The following RPS6KA2 variants were observed in gnomAD, a reference collection of about 807,000 sequenced individuals.
The protein encoded by RPS6KA2 is ribosomal protein S6 kinase A2, also known as ribosomal protein S6 kinase alpha-2.
In RPS6KA2, 42 loss-of-function variants were observed where a neutral mutation model predicts 91.8. That is an observed-to-expected ratio of 0.46 (90% CI 0.36 to 0.59). RPS6KA2 has a LOEUF of 0.59. Ranked by LOEUF, RPS6KA2 falls within the 20% of genes least tolerant of loss-of-function variation. The pLI, the probability that RPS6KA2 is intolerant of heterozygous loss-of-function variation, is 0.00. For synonymous variants in RPS6KA2, 414 were observed against 393.6 expected (o/e 1.05, Z -0.61); for missense variants, 798 against 978.5 (o/e 0.82, Z 2.46).
Position 166,508,845 on chromosome 6 carries a change from C to A in RPS6KA2, c.380-563G>T, listed in dbSNP as rs924298435. Reference sequence around the variant, plus strand: ...TAGGTCTGGTCACTGTGAGCTATAACTGCAGACTTTCTGTTTCAGGCCACA... The same window carrying A: ...TAGGTCTGGTCACTGTGAGCTATAAATGCAGACTTTCTGTTTCAGGCCACA... On this transcript the variant is annotated intron_variant, in intron 4 of 20. Coordinates refer to ENST00000265678, the MANE Select transcript of RPS6KA2 (RefSeq NM_021135.6). This position sits in a 1 kb window ranked among gnomAD's most constrained non-coding sequence, Gnocchi z 4.3. 6.6e-6 allele frequency among the ~76,000 whole-genome samples: 1 copy of A among 152,172 alleles called. No individual in the cohort carries two copies. The highest frequency in any genetic ancestry group is 2.4e-5 in the African/African-American group (1 of 41,422).
intron 2 of RPS6KA2, among the ~76,000 whole-genome samples, chr6:166,830,777 C>T (rs1389025740): frequency 1.3e-5 from 2 of 152,188 alleles, no homozygotes; most frequent in Admixed American, 6.5e-5. Flanking sequence ...GTGTTACTGC[C>T]TTAGCTGTCA....
intron 1 of RPS6KA2, among the ~76,000 whole-genome samples, chr6:166,621,423 T>C: frequency 6.6e-6 from 1 of 152,262 alleles, no homozygotes; most frequent in East Asian, 1.9e-4. Context: ...GTATTTCATA[T>C]GGAATATATT....
chr6:166,624,407 C>A (rs1040863466), intron 1 of RPS6KA2, among the ~76,000 whole-genome samples: 7 of 152,320 alleles, frequency 4.6e-5, no homozygotes, highest in African/African-American at 1.7e-4. Flanking sequence ...CATTGACAGA[C>A]CTCCCCTGCT....
intron 2 of RPS6KA2, among the ~76,000 whole-genome samples, chr6:166,722,666 G>A (rs66479743): frequency 0.2 from 30,928 of 152,176 alleles, 3,202 homozygotes; most frequent in African/African-American, 0.24. Context: ...GGGGCTGCCC[G>A]AGCTTGTTGT....
chr6:166,620,550 A>C (rs143949176), intron 1 of RPS6KA2, among the ~76,000 whole-genome samples: 3 of 152,250 alleles, frequency 2.0e-5, no homozygotes, highest in East Asian at 3.8e-4. Context: ...GCTATAACCT[A>C]GGAAAAGCTA....
Position 166,767,461 on chromosome 6 carries a change from G to A in RPS6KA2, c.123+90739C>T, listed in dbSNP as rs933987905. ...AAAAAGGACAGAGAAGCCAGCTCGC[G>A]CTCCCTTCAGGATCCTACTTGGAAA... On this transcript the variant is annotated intron_variant, in intron 2 of 21. Transcript: ENST00000503859. The surrounding 1 kb of genome is among the most constrained non-coding windows in gnomAD (Gnocchi z 4.6). Among the ~76,000 whole-genome samples the A allele has an allele frequency of 3.3e-5, 5 of 152,228 alleles. No homozygotes were observed. The East Asian group carries it at 5.8e-4, about 18-fold the overall frequency.
intron 2 of RPS6KA2, among the ~76,000 whole-genome samples, chr6:166,792,246 A>T (rs2128614546): frequency 6.6e-6 from 1 of 152,362 alleles, no homozygotes; most frequent in Non-Finnish European, 1.5e-5. Context: ...ATAAACTAGA[A>T]AATCTAGAAG....
At chr6:166,710,500 GTGTGTGTGTGGTGTGTGTGTGTTA>G (rs1789812705) in intron 2 of RPS6KA2, among the ~76,000 whole-genome samples, 1 of 151,246 alleles carries the variant, frequency 6.6e-6, no homozygotes, top group Non-Finnish European at 1.5e-5. Flanking sequence ...GTGTGTGTGT[GTGTGTGTGTGGTGTGTGTGTGTTA>G]TGTGTGGTGT....
chr6:166,535,744 T>C (rs1783456843), intron 2 of RPS6KA2, among the ~76,000 whole-genome samples: 1 of 152,246 alleles, frequency 6.6e-6, no homozygotes, highest in Admixed American at 6.5e-5. Context: ...GCTTTCCTGA[T>C]TCAAGCTTTA....
chr6:166,709,099 C>T (rs115532047), intron 2 of RPS6KA2, among the ~76,000 whole-genome samples: 1,614 of 152,274 alleles, frequency 0.011, 25 homozygotes, highest in African/African-American at 0.036. Flanking sequence ...TGTTTTAGCA[C>T]GCCTCTTATC....
chr6:166,478,948 C>A (rs571077718), intron 10 of RPS6KA2, among the ~76,000 whole-genome samples: 1 of 152,244 alleles, frequency 6.6e-6, no homozygotes, highest in African/African-American at 2.4e-5. Flanking sequence ...CTCAGGCCCA[C>A]ACGGCCAGGA....
At chr6:166,824,819 G>GTGTCTA (rs1428445108) in intron 2 of RPS6KA2, among the ~76,000 whole-genome samples, 2 of 145,770 alleles carry the variant, frequency 1.4e-5, no homozygotes, top group East Asian at 1.9e-4. Flanking sequence ...GTGTGTCTGT[G>GTGTCTA]TGTGTCTGTG....
At chr6:166,783,048 G>T (rs1194627167) in intron 2 of RPS6KA2, among the ~76,000 whole-genome samples, 1 of 134,732 alleles carries the variant, frequency 7.4e-6, no homozygotes, top group African/African-American at 2.8e-5. Context: ...TATCTTTTAG[G>T]TATTATTATT....
At chr6:166,782,823 C>G (rs745939010) in intron 2 of RPS6KA2, among the ~76,000 whole-genome samples, 8 of 152,264 alleles carry the variant, frequency 5.3e-5, no homozygotes, top group South Asian at 2.1e-4. Context: ...GATTGTTCAG[C>G]ACAAATGCAC....
intron 8 of RPS6KA2, among the ~76,000 whole-genome samples, chr6:166,492,684 C>T (rs1237633556): frequency 6.6e-6 from 1 of 150,928 alleles, no homozygotes; most frequent in Non-Finnish European, 1.5e-5. Context: ...GGACTGGTAT[C>T]TTGCATACAT....
chr6:166,489,873 A>G (rs1306424624), intron 9 of RPS6KA2, among the ~76,000 whole-genome samples: 1 of 151,962 alleles, frequency 6.6e-6, no homozygotes, highest in African/African-American at 2.4e-5. Flanking sequence ...TCCATTTGCA[A>G]GCAGAGTTGG....
intron 1 of RPS6KA2, among the ~76,000 whole-genome samples, chr6:166,609,480 T>C (rs1786081431): frequency 6.6e-6 from 1 of 151,908 alleles, no homozygotes. Flanking sequence ...ACTGAGACAC[T>C]GATATACTGA....
chr6:166,760,710 G>T (rs893145648), intron 2 of RPS6KA2, among the ~76,000 whole-genome samples: 4 of 152,222 alleles, frequency 2.6e-5, no homozygotes, highest in Non-Finnish European at 5.9e-5. Context: ...CAACCTGATG[G>T]CAACGTGCAT....
intron 1 of RPS6KA2, among the ~76,000 whole-genome samples, chr6:166,611,899 A>G: frequency 6.6e-6 from 1 of 152,246 alleles, no homozygotes; most frequent in East Asian, 1.9e-4. Context: ...TGTGACCAGG[A>G]AAGTGCCATG....
Sources: allele counts gnomAD v4.1 joint callset (sites outside exome capture counted in the v4.1 genomes callset), GRCh38; gene constraint gnomAD v4.1.1; non-coding constraint Gnocchi (gnomAD v3.1); transcripts MANE v1.5; gene names NCBI Gene and HGNC (gene_info 2026-07-23, HGNC 2026-07-21).